ZKSCAN8: variants seen among roughly 807,000 people sequenced by gnomAD.
The protein encoded by ZKSCAN8 is zinc finger protein with KRAB and SCAN domains 8.
ZKSCAN8 carries 27 observed loss-of-function variants against 57.2 expected under a neutral mutation model. The ratio of observed to expected loss-of-function variants is 0.47; its 90% confidence interval spans 0.35 to 0.65. ZKSCAN8 has a LOEUF of 0.65. Among genes scored for constraint, ZKSCAN8 ranks in the 30% least tolerant of loss-of-function variants. The pLI, the probability that ZKSCAN8 is intolerant of heterozygous loss-of-function variation, is 0.01. For synonymous variants in ZKSCAN8, 214 were observed against 248.7 expected, an observed-to-expected ratio of 0.86 and a Z score of 1.31; for missense variants, 597 against 696.3, an observed-to-expected ratio of 0.86 and a Z score of 1.60.
intron 1 of ZKSCAN8, 56 bp from the exon 2 acceptor site, chr6:28,148,260 A>G (rs1242105754): frequency 6.4e-6 from 5 of 780,852 alleles, no homozygotes; most frequent in Non-Finnish European, 9.9e-6. Context: ...AAGATACCAT[A>G]GTTAGTTACA....
At chr6:28,145,171 G>C (rs1765350299) in intron 1 of ZKSCAN8, among the ~76,000 whole-genome samples, 1 of 152,156 alleles carries the variant, frequency 6.6e-6, no homozygotes, top group Non-Finnish European at 1.5e-5. Context: ...AGCATTGTAG[G>C]ATCCCTGGCC....
In ZKSCAN8 at chr6:28,153,043, A is replaced by G. The variant is rs1350657699; in HGVS notation, c.776-13A>G. Reference sequence around the variant, plus strand: ...CATTGGCTTGATGTTTGTTTATTACATTTTTATTTCAGGTGGTGAGACCAG... The same window carrying G: ...CATTGGCTTGATGTTTGTTTATTACGTTTTTATTTCAGGTGGTGAGACCAG... On this transcript the variant is annotated splice_polypyrimidine_tract_variant and intron_variant, in intron 5 of 5. Coordinates refer to ENST00000330236, the MANE Select transcript of ZKSCAN8 (RefSeq NM_006298.4). The G allele has an allele frequency of 1.9e-6, 3 of 1,611,516 alleles. No homozygotes were observed. The highest frequency in any genetic ancestry group is 4.5e-5 in the East Asian group (2 of 44,844).
chr6:28,149,720 A>T (rs951119552), intron 3 of ZKSCAN8, 96 bp downstream of exon 3: 3 of 1,461,358 alleles, frequency 2.1e-6, no homozygotes, highest in Non-Finnish European at 2.8e-6. Context: ...AGGAACTAAA[A>T]TCCTGTTTAC....
Position 28,144,814 on chromosome 6 carries a change from T to A in ZKSCAN8, c.-93+2785T>A, listed in dbSNP as rs182426912. The stretch of plus-strand genomic sequence containing the variant: ...GGCTTACGCCTGTAATCCCAGCACT[T>A]TGGGAGGCCGAGGCGGGCAGATCAC... On this transcript the variant is annotated intron_variant, in intron 1 of 5. Coordinates refer to ENST00000330236, the MANE Select transcript of ZKSCAN8 (RefSeq NM_006298.4). The surrounding 1 kb of genome is among the most constrained non-coding windows in gnomAD (Gnocchi z 4.5). 6.6e-6 allele frequency among the ~76,000 whole-genome samples: 1 copy of A among 152,272 alleles called. No individual in the cohort carries two copies. The highest frequency in any genetic ancestry group is 1.9e-4 in the East Asian group (1 of 5,182).
intron 3 of ZKSCAN8, among the ~76,000 whole-genome samples, chr6:28,150,301 C>T (rs1038996547): frequency 2.6e-5 from 4 of 151,830 alleles, no homozygotes; most frequent in Non-Finnish European, 5.9e-5. Flanking sequence ...TTTGGATTTG[C>T]GTGATGTTTG....
At position 28,158,881 on chromosome 6, in the gene ZKSCAN8, A is replaced by G. The variant is rs964936571; in HGVS notation, c.*4864A>G. The stretch of plus-strand genomic sequence containing the variant: ...AAACACCCATTTTTACAATATCTCT[A>G]TTGTAAAATTTCATTTTCACTAAGT... On this transcript the variant is annotated 3_prime_UTR_variant, in exon 6 of 6. Transcript: ENST00000330236. 1.3e-5 allele frequency: 2 copies of G among 152,114 alleles called. No individual in the cohort carries two copies. The highest frequency in any genetic ancestry group is 4.8e-5 in the African/African-American group (2 of 41,412). 9.4% of individuals were successfully genotyped at this position (152,114 alleles called of 1,614,324 possible).
intron 1 of ZKSCAN8, among the ~76,000 whole-genome samples, chr6:28,145,243 A>G (rs919814853): frequency 6.8e-4 from 103 of 152,144 alleles, no homozygotes; most frequent in African/African-American, 2.3e-3. Flanking sequence ...AAATATTTAC[A>G]GACATTATGA....
chr6:28,149,765 G>C (rs878974960), intron 3 of ZKSCAN8, 141 bp downstream of exon 3: 1 of 874,290 alleles, frequency 1.1e-6, no homozygotes, highest in Non-Finnish European at 1.6e-6. Context: ...AAATGTTTAG[G>C]CTTCAAATAT....
In ZKSCAN8 at chr6:28,154,097, A is replaced by G; in HGVS notation, c.*80A>G. 1 of 1,496,728 alleles carries G rather than the reference A, an allele frequency of 6.7e-7. No homozygotes were observed. The highest frequency in any genetic ancestry group is 8.9e-7 in the Non-Finnish European group (1 of 1,129,918). The allele number at this position is 1,496,728 out of a possible 1,614,324, so 92.7% of individuals were successfully genotyped here. A position where few individuals can be genotyped will look rare whatever the true frequency, so the allele number is the denominator to read the frequency against. On this transcript the variant is annotated 3_prime_UTR_variant, in exon 6 of 6. Coordinates refer to ENST00000330236, the MANE Select transcript of ZKSCAN8 (RefSeq NM_006298.4). Reference sequence around the variant, plus strand: ...GGTGAGAGGTCTTTCAGTGTACTAAAAGGCAGAAAGGTCATCACAACTTTA... The same window carrying G: ...GGTGAGAGGTCTTTCAGTGTACTAAGAGGCAGAAAGGTCATCACAACTTTA...
Position 28,151,777 on chromosome 6 carries a change from G to A in ZKSCAN8, c.560-68G>A, listed in dbSNP as rs185944949. 5 of 1,246,420 alleles carry A rather than the reference G, an allele frequency of 4.0e-6. No homozygotes were observed. The African/African-American group carries it at 7.4e-5, about 19-fold the overall frequency. The allele number at this position is 1,246,420 out of a possible 1,614,324, so 77.2% of individuals were successfully genotyped here. On this transcript the variant is annotated intron_variant, in intron 3 of 5. Coordinates refer to ENST00000330236, the MANE Select transcript of ZKSCAN8 (RefSeq NM_006298.4). ...TGCTGAAATAAAAATAATTTGGAAT[G>A]GGTGAGTGCCAGCTCCCACAACCAC...
intron 1 of ZKSCAN8, among the ~76,000 whole-genome samples, chr6:28,142,797 CTGT>C (rs1305994521): frequency 6.6e-6 from 1 of 152,146 alleles, no homozygotes; most frequent in African/African-American, 2.4e-5. Flanking sequence ...TTTTGAATTT[CTGT>C]TGTTTAAATG....
In ZKSCAN8 at chr6:28,156,232, A is replaced by G. The variant is rs1765778270; in HGVS notation, c.*2215A>G. ...AAGAACGCTTCTCTTCTATTCCAAT[A>G]AAAAGTCCTTTTAGCAATGCAACAT... On this transcript the variant is annotated 3_prime_UTR_variant, in exon 6 of 6. Transcript: ENST00000330236. 1 of 398,436 alleles carries G rather than the reference A, an allele frequency of 2.5e-6. No homozygotes were observed. Among genetic ancestry groups the G allele is most frequent in the Non-Finnish European group, 4.4e-6 (1 of 225,916 alleles). 24.7% of individuals were successfully genotyped at this position (398,436 alleles called of 1,614,324 possible).
At position 28,158,090 on chromosome 6, in the gene ZKSCAN8, C is replaced by T. The variant is rs2113607779; in HGVS notation, c.*4073C>T. ...TTCCAGTGAAATGTTCTTAGACTCA[C>T]CAGTGGACAAATAATAAGGCCTTTT... On this transcript the variant is annotated 3_prime_UTR_variant, in exon 6 of 6. Transcript: ENST00000330236. The T allele has an allele frequency of 6.6e-6, 1 of 152,218 alleles. No homozygotes were observed. Among genetic ancestry groups the T allele is most frequent in the Non-Finnish European group, 1.5e-5 (1 of 68,008 alleles). 9.4% of individuals were successfully genotyped at this position (152,218 alleles called of 1,614,324 possible). A position where few individuals can be genotyped will look rare whatever the true frequency, so the allele number is the denominator to read the frequency against.
chr6:28,159,313 A>G lies in ZKSCAN8; in HGVS notation c.*5296A>G, dbSNP rs917838939. 1.3e-5 allele frequency: 2 copies of G among 152,226 alleles called. No individual in the cohort carries two copies. The highest frequency in any genetic ancestry group is 2.4e-5 in the African/African-American group (1 of 41,452). The allele number at this position is 152,226 out of a possible 1,614,324, so 9.4% of individuals were successfully genotyped here. ...ATTATTTTCTAGCACTCTGTGTTAC[A>G]GTTTCATATTTGTATTTATTTCCAA... is the stretch of plus-strand genomic sequence containing the variant. On this transcript the variant is annotated 3_prime_UTR_variant, in exon 6 of 6. Transcript: ENST00000330236.
chr6:28,147,476 T>A (rs1248505452), intron 1 of ZKSCAN8, among the ~76,000 whole-genome samples: 1 of 152,238 alleles, frequency 6.6e-6, no homozygotes, highest in Non-Finnish European at 1.5e-5. Flanking sequence ...ATTTTACCTC[T>A]GAATATTTGC....
rs1765680165 is a variant in ZKSCAN8 at position 28,153,598 on chromosome 6, G to A, written c.1318G>A (p.Gly440Arg). Residue 440 changes from glycine to arginine, a missense_variant, in exon 6 of 6, where the codon GGG (glycine) becomes AGG (arginine). By Grantham distance (125) the Gly-to-Arg change is moderately radical. Coordinates refer to ENST00000330236, the MANE Select transcript of ZKSCAN8 (RefSeq NM_006298.4). Reference sequence around the variant, plus strand: ...GAGACCCTATGAATGTAATGAGTGTGGGAAAGCTTTCAGTCATAGCTCACA... The same window carrying A: ...GAGACCCTATGAATGTAATGAGTGTAGGAAAGCTTTCAGTCATAGCTCACA... The part of the protein sequence containing the change: ...GERPYECNEC[G>R]KAFSHSSHLI... 1 of 1,614,074 alleles carries A rather than the reference G, an allele frequency of 6.2e-7. No homozygotes were observed. The highest frequency in any genetic ancestry group is 1.1e-5 in the South Asian group (1 of 91,080).
chr6:28,153,444 T>A lies in ZKSCAN8; in HGVS notation c.1164T>A (p.Ser388Arg), dbSNP rs1423701129. 6.2e-7 allele frequency: 1 copy of A among 1,614,162 alleles called. No individual in the cohort carries two copies. Residue 388 changes from serine to arginine, a missense_variant, in exon 6 of 6, where the codon AGT becomes AGA. By Grantham distance (110) the Ser-to-Arg change is moderately radical (BLOSUM62 -1). Coordinates refer to ENST00000330236, the MANE Select transcript of ZKSCAN8 (RefSeq NM_006298.4). ...YHCKECGKAF[S>R]QNTGLILHQR... ...GTAAGGAGTGTGGCAAAGCCTTCAG[T>A]CAGAACACAGGCCTGATTCTGCACC...
At chr6:28,145,370 T>C (rs1322046435) in intron 1 of ZKSCAN8, among the ~76,000 whole-genome samples, 1 of 152,170 alleles carries the variant, frequency 6.6e-6, no homozygotes, top group African/African-American at 2.4e-5. Context: ...AGAAAGGCTT[T>C]ATGTAAGTGA....
Position 28,148,736 on chromosome 6 carries a change from T to C in ZKSCAN8, c.329T>C (p.Leu110Pro), listed in dbSNP as rs1765489863. ...LTILPEELQT[L>P]VKEHQLENGE... ...ATCCTACCTGAGGAGCTCCAGACAC[T>C]GGTTAAGGAACATCAGCTAGAGAAC... Residue 110 changes from leucine (L) to proline (P), a missense_variant, in exon 2 of 6, where the codon CTG becomes CCG. Leu to Pro is a moderately conservative substitution (Grantham distance 98, BLOSUM62 -3). Transcript: ENST00000330236. 1 of 1,614,050 alleles carries C rather than the reference T, an allele frequency of 6.2e-7. No homozygotes were observed. Among genetic ancestry groups the C allele is most frequent in the African/African-American group, 1.3e-5 (1 of 74,918 alleles).
Sources: allele counts gnomAD v4.1 joint callset (sites outside exome capture counted in the v4.1 genomes callset), GRCh38; gene constraint gnomAD v4.1.1; non-coding constraint Gnocchi (gnomAD v3.1); transcripts MANE v1.5; gene names NCBI Gene and HGNC (gene_info 2026-07-23, HGNC 2026-07-21).